The following MAPK10 variants were observed in gnomAD, a reference collection of about 807,000 sequenced individuals.
MAPK10 encodes the protein mitogen-activated protein kinase 10.
A neutral mutation model predicts 59.3 loss-of-function variants in MAPK10; 25 were observed. That is an observed-to-expected ratio of 0.42 (90% confidence interval 0.31 to 0.59). The LOEUF is 0.59. Ranked by LOEUF, MAPK10 falls within the 20% of genes least tolerant of loss-of-function variation. The pLI is 0.15. For synonymous variants in MAPK10, 190 were observed against 200.5 expected, an observed-to-expected ratio of 0.95 and a Z score of 0.44; for missense variants, 351 against 568.9, an observed-to-expected ratio of 0.62 and a Z score of 3.90.
chr4:86,343,458 T>C (rs7699065), intron 2 of MAPK10, among the ~76,000 whole-genome samples: 111,197 of 152,042 alleles, frequency 0.73, 41,261 homozygotes, highest in South Asian at 0.9. Context: ...TATGGTACCT[T>C]ATCTAAATAG....
In MAPK10 at chr4:86,547,875, G is replaced by T. The variant is rs566300442; in HGVS notation, c.-263+46035C>A. Among the ~76,000 whole-genome samples the T allele has an allele frequency of 5.9e-5, 9 of 152,306 alleles. No homozygotes were observed. The South Asian group carries it at 1.7e-3, about 28-fold the overall frequency. On this transcript the variant is annotated intron_variant, in intron 1 of 4. Coordinates refer to the MAPK10 transcript ENST00000502302. ...TCGACACTCTGTATTTAGCTACTCT[G>T]GTGGGGCCTTAGAGAACCTTTATGT...
chr4:86,323,970 A>G (rs139559355), intron 2 of MAPK10, among the ~76,000 whole-genome samples: 1,557 of 152,338 alleles, frequency 0.01, 24 homozygotes, highest in African/African-American at 0.035. Context: ...AAATCTAAAT[A>G]GTATAATAAA....
chr4:86,359,814 A>G lies in MAPK10; in HGVS notation c.-278T>C. On this transcript the variant is annotated 5_prime_UTR_variant, in exon 1 of 14. Coordinates refer to ENST00000641462, the MANE Select transcript of MAPK10 (RefSeq NM_138982.4). ...ATTAACGATGGACAGGTGATTTCCA[A>G]GAAAACCCAATCTTAAACTCACTCA... 1.0e-6 allele frequency: 1 copy of G among 985,806 alleles called. No individual in the cohort carries two copies. Among genetic ancestry groups the G allele is most frequent in the East Asian group, 1.1e-4 (1 of 8,800 alleles). The allele number at this position is 985,806 out of a possible 1,614,324, so 61.1% of individuals were successfully genotyped here.
intron 2 of MAPK10, among the ~76,000 whole-genome samples, chr4:86,265,530 T>C (rs1186539553): frequency 1.3e-5 from 2 of 151,708 alleles, no homozygotes; most frequent in Non-Finnish European, 2.9e-5. Context: ...AAAAGTATTA[T>C]GATATGGATT....
chr4:86,538,365 T>C (rs986979830), intron 1 of MAPK10, among the ~76,000 whole-genome samples: 1 of 152,120 alleles, frequency 6.6e-6, no homozygotes, highest in Non-Finnish European at 1.5e-5. Flanking sequence ...AGGCTGGTCT[T>C]GAGCTCCTGA....
At chr4:86,140,234 G>A (rs1276753527) in intron 4 of MAPK10, among the ~76,000 whole-genome samples, 6 of 139,568 alleles carry the variant, frequency 4.3e-5, no homozygotes, top group South Asian at 2.3e-4. Context: ...ACATGCACAC[G>A]TATGTTTATT....
chr4:86,267,411 C>A (rs1048030580), intron 2 of MAPK10, among the ~76,000 whole-genome samples: 1 of 152,198 alleles, frequency 6.6e-6, no homozygotes, highest in African/African-American at 2.4e-5. Flanking sequence ...TCTGCCCCCT[C>A]AAGTACAAGA....
intron 4 of MAPK10, among the ~76,000 whole-genome samples, chr4:86,117,249 A>C (rs558316764): frequency 6.6e-6 from 1 of 152,340 alleles, no homozygotes; most frequent in African/African-American, 2.4e-5. Context: ...CCATATCAAT[A>C]AAAATAATAA....
intron 1 of MAPK10, among the ~76,000 whole-genome samples, chr4:86,575,919 A>G (rs749033852): frequency 5.3e-5 from 8 of 151,936 alleles, no homozygotes; most frequent in Non-Finnish European, 8.8e-5. Flanking sequence ...TGGAGTAAAT[A>G]AAGTATCACT....
intron 2 of MAPK10, among the ~76,000 whole-genome samples, chr4:86,254,994 C>G (rs2093642010): frequency 6.6e-6 from 1 of 151,990 alleles, no homozygotes; most frequent in Admixed American, 6.6e-5. Context: ...AAAGTGACAT[C>G]ACCAAGGTAA....
intron 9 of MAPK10, among the ~76,000 whole-genome samples, chr4:86,071,597 A>C (rs2047985301): frequency 1.3e-5 from 2 of 150,384 alleles, no homozygotes; most frequent in South Asian, 2.1e-4. Flanking sequence ...ATCCAGTTTC[A>C]GCTTCCTACA....
At chr4:86,144,376 A>G (rs1340968562) in intron 4 of MAPK10, among the ~76,000 whole-genome samples, 1 of 152,174 alleles carries the variant, frequency 6.6e-6, no homozygotes, top group Non-Finnish European at 1.5e-5. Flanking sequence ...AGATATTTTA[A>G]TATTTCTGCA....
chr4:86,591,188 T>G (rs1455060792), intron 1 of MAPK10, among the ~76,000 whole-genome samples: 2 of 152,138 alleles, frequency 1.3e-5, no homozygotes, highest in East Asian at 3.9e-4. Context: ...CCTTCTAAAG[T>G]GCTAGGATTA....
Position 86,391,104 on chromosome 4 carries a change from A to C in MAPK10, c.-121-36460T>G, listed in dbSNP as rs147479199. 5.2e-5 allele frequency among the ~76,000 whole-genome samples: 8 copies of C among 152,382 alleles called. No homozygotes were observed. The East Asian group carries it at 1.5e-3, about 29-fold the overall frequency. ...CAGATATGAAAGCTACACAAAAATC[A>C]GTTATGAAATTGAGGAAGATGAAAC... On this transcript the variant is annotated intron_variant, in intron 1 of 13. Coordinates refer to the MAPK10 transcript ENST00000361569.
chr4:86,535,726 C>A (rs1035832511), intron 1 of MAPK10, among the ~76,000 whole-genome samples: 1 of 152,260 alleles, frequency 6.6e-6, no homozygotes, highest in South Asian at 2.1e-4. Flanking sequence ...TCCAAATACT[C>A]TTTAATTTAC....
At chr4:86,393,030 C>T (rs116561068) in intron 1 of MAPK10, among the ~76,000 whole-genome samples, 1,673 of 152,290 alleles carry the variant, frequency 0.011, 30 homozygotes, top group African/African-American at 0.037. Context: ...AATGTAACTT[C>T]TTGCAGAGGC....
At chr4:86,588,963 G>A (rs934124695) in intron 1 of MAPK10, among the ~76,000 whole-genome samples, 2 of 151,996 alleles carry the variant, frequency 1.3e-5, no homozygotes, top group African/African-American at 2.4e-5. Context: ...GAACATACAG[G>A]AATTTGAATA....
At position 86,418,847 on chromosome 4, in the gene MAPK10, G is replaced by T. The variant is rs1229072891; in HGVS notation, c.-122+34183C>A. 2.6e-5 allele frequency among the ~76,000 whole-genome samples: 4 copies of T among 152,160 alleles called. 1 individual carries two copies. The highest frequency in any genetic ancestry group is 5.9e-5 in the Non-Finnish European group (4 of 68,026). ...ATGGAATACTACTCAGCCATAAAAA[G>T]GAATAAAATAATGGCATGTGCAGCA... On this transcript the variant is annotated intron_variant, in intron 1 of 13. Transcript: ENST00000361569.
intron 4 of MAPK10, among the ~76,000 whole-genome samples, chr4:86,135,448 G>T (rs375293495): frequency 1.3e-5 from 2 of 152,090 alleles, no homozygotes; most frequent in Non-Finnish European, 2.9e-5. Flanking sequence ...ACACGGCAGG[G>T]TACTCCAACA....
Sources: gnomAD v4.1 joint callset for allele counts (sites outside exome capture counted in the v4.1 genomes callset) on GRCh38, gnomAD v4.1.1 for gene constraint, MANE v1.5 for transcripts, NCBI Gene and HGNC (gene_info 2026-07-23, HGNC 2026-07-21) for gene names.